The following PTPRD variants were observed in gnomAD, a reference collection of about 807,000 sequenced individuals.
The protein encoded by PTPRD is protein tyrosine phosphatase receptor type D.
In PTPRD, 34 loss-of-function variants were observed where a neutral mutation model predicts 214.5. The ratio of observed to expected loss-of-function variants is 0.16; its 90% CI spans 0.12 to 0.21. PTPRD has a LOEUF of 0.21. Ranked by LOEUF, PTPRD falls within the 10% of genes least tolerant of loss-of-function variation. The pLI is 1.00. For missense variants in PTPRD, 2,545 were observed against 2,398.7 expected, an observed-to-expected ratio of 1.06 and a Z score of -1.27; for synonymous variants, 1,128 against 845.7, an observed-to-expected ratio of 1.33 and a Z score of -5.79.
chr9:9,429,193 G>C (rs112821302), intron 8 of PTPRD, among the ~76,000 whole-genome samples: 8,165 of 151,934 alleles, frequency 0.054, 251 homozygotes, highest in Middle Eastern at 0.18. Context: ...GAATCAAATA[G>C]AACAATAAAA....
In PTPRD at chr9:10,109,789, A is replaced by C. The variant is rs1485250732; in HGVS notation, c.-544-75999T>G. On this transcript the variant is annotated intron_variant, in intron 3 of 45. Coordinates refer to ENST00000381196, the MANE Select transcript of PTPRD (RefSeq NM_002839.4). ...GTCCAATTTTCTGAAACTCATGGGG[A>C]AAAATAGGAGCTAGAAAATGAACTA... is the stretch of plus-strand genomic sequence containing the variant. 2.6e-5 allele frequency among the ~76,000 whole-genome samples: 4 copies of C among 152,220 alleles called. No individual in the cohort carries two copies. In the East Asian group the frequency reaches 7.7e-4, roughly 29 times the overall value.
At chr9:9,620,335 A>AATTTAATCT (rs1366382465) in intron 7 of PTPRD, among the ~76,000 whole-genome samples, 2,517 of 152,212 alleles carry the variant, frequency 0.017, 76 homozygotes, top group African/African-American at 0.058. Flanking sequence ...TCTTTAATCT[A>AATTTAATCT]TTAATTAACC....
At chr9:9,369,228 G>A (rs562878953) in intron 9 of PTPRD, among the ~76,000 whole-genome samples, 1 of 152,224 alleles carries the variant, frequency 6.6e-6, no homozygotes, top group South Asian at 2.1e-4. Flanking sequence ...CCCACCAACA[G>A]TGTAAAAGTG....
chr9:8,567,693 C>T (rs558762687), intron 14 of PTPRD, among the ~76,000 whole-genome samples: 1 of 152,158 alleles, frequency 6.6e-6, no homozygotes, highest in Non-Finnish European at 1.5e-5. Context: ...TTTTGGTACA[C>T]AGTAGATATT....
In PTPRD at chr9:10,342,655, C is replaced by A. The variant is rs112428480; in HGVS notation, c.-599-1638G>T. On this transcript the variant is annotated intron_variant, in intron 2 of 45. Coordinates refer to ENST00000381196, the MANE Select transcript of PTPRD (RefSeq NM_002839.4). ...TATTATTTTATTGTTCTTAATTTTC[C>A]GCACCTTCTATTCCATGTGGTGTTT... 3.6e-3 allele frequency among the ~76,000 whole-genome samples: 554 copies of A among 152,004 alleles called. 5 individuals carry two copies. Among genetic ancestry groups the A allele is most frequent in the African/African-American group, 0.012 (508 of 41,498 alleles).
At chr9:9,419,633 T>A (rs1447326512) in intron 8 of PTPRD, among the ~76,000 whole-genome samples, 1 of 151,780 alleles carries the variant, frequency 6.6e-6, no homozygotes, top group Non-Finnish European at 1.5e-5. Flanking sequence ...GTTTTTGATA[T>A]TATAAGAAAT....
chr9:8,586,657 A>G (rs1029988531), intron 14 of PTPRD, among the ~76,000 whole-genome samples: 1 of 152,226 alleles, frequency 6.6e-6, no homozygotes, highest in East Asian at 1.9e-4. Context: ...CTGCCTCACT[A>G]CAACAAGCTG....
chr9:10,252,989 G>T (rs1393540801), intron 3 of PTPRD, among the ~76,000 whole-genome samples: 1 of 151,998 alleles, frequency 6.6e-6, no homozygotes, highest in African/African-American at 2.4e-5. Context: ...TCAACATATT[G>T]GCCAGAGTGG....
chr9:9,287,798 G>A (rs1949980190), intron 9 of PTPRD, among the ~76,000 whole-genome samples: 1 of 151,846 alleles, frequency 6.6e-6, no homozygotes, highest in South Asian at 2.1e-4. Flanking sequence ...TGTGGCTAAA[G>A]TAAGTATGTC....
rs540111228 is a variant in PTPRD at position 9,024,888 on chromosome 9, T to C, written c.-142-6153A>G. Among the ~76,000 whole-genome samples, 27 of 152,080 alleles carry C rather than the reference T, an allele frequency of 1.8e-4. No individual in the cohort carries two copies. In the South Asian group the frequency reaches 5.6e-3, roughly 32 times the overall value. Reference sequence around the variant, plus strand: ...CAGAATTAACATATGCCAAGATTCATCCTAAAAACCAAGGGAAAGTTTAAC... The same window carrying C: ...CAGAATTAACATATGCCAAGATTCACCCTAAAAACCAAGGGAAAGTTTAAC... On this transcript the variant is annotated intron_variant, in intron 10 of 45. Transcript: ENST00000381196.
intron 3 of PTPRD, among the ~76,000 whole-genome samples, chr9:10,279,800 G>A (rs1011463567): frequency 6.6e-6 from 1 of 151,976 alleles, no homozygotes; most frequent in African/African-American, 2.4e-5. Flanking sequence ...GTCACTAAGT[G>A]TGGGTAATCT....
chr9:9,533,588 A>G (rs1038318032), intron 8 of PTPRD, among the ~76,000 whole-genome samples: 1 of 152,126 alleles, frequency 6.6e-6, no homozygotes. Context: ...TAAAAACAAT[A>G]TTTGAAATGA....
chr9:10,095,579 C>A (rs1387723567), intron 3 of PTPRD, among the ~76,000 whole-genome samples: 4 of 151,418 alleles, frequency 2.6e-5, no homozygotes, highest in Non-Finnish European at 5.9e-5. Context: ...GCGTGAATAA[C>A]AAACATGATA....
At chr9:8,974,637 A>G (rs2099257823) in intron 11 of PTPRD, among the ~76,000 whole-genome samples, 1 of 152,036 alleles carries the variant, frequency 6.6e-6, no homozygotes, top group Admixed American at 6.6e-5. Context: ...GACCATGTAT[A>G]CTGCTTACGT....
chr9:9,499,960 T>G (rs2096350174), intron 8 of PTPRD, among the ~76,000 whole-genome samples: 1 of 152,006 alleles, frequency 6.6e-6, no homozygotes, highest in Non-Finnish European at 1.5e-5. Context: ...CAATAAACAT[T>G]TGGAAGAGAA....
chr9:10,346,903 T>C (rs576196835), intron 2 of PTPRD, among the ~76,000 whole-genome samples: 4 of 152,318 alleles, frequency 2.6e-5, no homozygotes, highest in South Asian at 2.1e-4. Context: ...TGTCTAATTA[T>C]CAATTTGTTA....
At chr9:9,434,447 A>T (rs2143609851) in intron 8 of PTPRD, among the ~76,000 whole-genome samples, 1 of 152,334 alleles carries the variant, frequency 6.6e-6, no homozygotes. Flanking sequence ...GCCCAAAGTG[A>T]TCTACAGATT....
chr9:8,610,532 T>A (rs1004164992), intron 14 of PTPRD, among the ~76,000 whole-genome samples: 1 of 152,168 alleles, frequency 6.6e-6, no homozygotes, highest in African/African-American at 2.4e-5. Flanking sequence ...GATGCTTCTT[T>A]CCTCTCTGTT....
intron 2 of PTPRD, among the ~76,000 whole-genome samples, chr9:10,396,946 G>A (rs2098182256): frequency 6.6e-6 from 1 of 151,920 alleles, no homozygotes; most frequent in Admixed American, 6.6e-5. Flanking sequence ...AATACATACA[G>A]TCAAACAATC....
Sources: gnomAD v4.1 joint callset for allele counts (sites outside exome capture counted in the v4.1 genomes callset) on GRCh38, gnomAD v4.1.1 for gene constraint, MANE v1.5 for transcripts, NCBI Gene and HGNC (gene_info 2026-07-23, HGNC 2026-07-21) for gene names.